PRRX1: variants seen among roughly 807,000 people sequenced by gnomAD.
The protein encoded by PRRX1 is paired related homeobox 1, also known as paired mesoderm homeobox protein 1.
PRRX1 carries 8 observed loss-of-function variants against 24.0 expected under a neutral mutation model. That is an observed-to-expected ratio of 0.33 (90% CI 0.20 to 0.60). PRRX1 has a LOEUF of 0.60. Among genes scored for constraint, PRRX1 ranks in the 20% least tolerant of loss-of-function variants. PRRX1 has a pLI of 0.82. For synonymous variants in PRRX1, 160 were observed against 131.7 expected (o/e 1.22, Z -1.47); for missense variants, 281 against 322.4 (o/e 0.87, Z 0.98).
intron 1 of PRRX1, among the ~76,000 whole-genome samples, chr1:170,717,091 C>T (rs1477153942): frequency 6.6e-6 from 1 of 152,210 alleles, no homozygotes; most frequent in African/African-American, 2.4e-5. Flanking sequence ...GCCAGACTCC[C>T]TGGATCCCTG....
At chr1:170,728,987 C>A (rs1323650959) in intron 3 of PRRX1, 2 of 152,206 alleles carry the variant, frequency 1.3e-5, no homozygotes, top group Non-Finnish European at 2.9e-5. Flanking sequence ...ATGTGACACT[C>A]ATTAAAAGGC....
At chr1:170,691,497 TTTC>T (rs1653949685) in intron 1 of PRRX1, among the ~76,000 whole-genome samples, 1 of 143,312 alleles carries the variant, frequency 7.0e-6, no homozygotes, top group Non-Finnish European at 1.5e-5. Flanking sequence ...TTTCCTTTCC[TTTC>T]CTTTCCTTTC....
At chr1:170,733,952 G>A (rs933321306) in intron 3 of PRRX1, among the ~76,000 whole-genome samples, 35 of 152,038 alleles carry the variant, frequency 2.3e-4, no homozygotes, top group African/African-American at 7.5e-4. Context: ...TTAGTGTATC[G>A]TTCTGGTCAT....
chr1:170,711,815 A>T (rs1654761690), intron 1 of PRRX1, among the ~76,000 whole-genome samples: 1 of 152,158 alleles, frequency 6.6e-6, no homozygotes, highest in Admixed American at 6.6e-5. Context: ...GGCACTTCCA[A>T]GGGGACCACA....
chr1:170,666,780 T>C (rs1652950132), intron 1 of PRRX1, among the ~76,000 whole-genome samples: 1 of 152,016 alleles, frequency 6.6e-6, no homozygotes, highest in Non-Finnish European at 1.5e-5. Context: ...GTTGTTTGGC[T>C]CTGAGTGGAC....
intron 1 of PRRX1, among the ~76,000 whole-genome samples, chr1:170,680,323 AG>A (rs1406083529): frequency 6.6e-6 from 1 of 152,228 alleles, no homozygotes; most frequent in Non-Finnish European, 1.5e-5. Flanking sequence ...GAAAACTTGA[AG>A]GAAGAAAACA....
intron 1 of PRRX1, among the ~76,000 whole-genome samples, chr1:170,678,413 T>C (rs1653392734): frequency 6.6e-6 from 1 of 152,242 alleles, no homozygotes; most frequent in South Asian, 2.1e-4. Context: ...CTTTGACAAG[T>C]TTATTGCAAG....
intron 1 of PRRX1, among the ~76,000 whole-genome samples, chr1:170,707,335 C>T (rs1654602726): frequency 6.6e-6 from 1 of 151,954 alleles, no homozygotes; most frequent in Non-Finnish European, 1.5e-5. Context: ...TGAAGGAGCC[C>T]AGCAGGGGTC....
intron 1 of PRRX1, among the ~76,000 whole-genome samples, chr1:170,690,240 T>A (rs1236810422): frequency 6.6e-6 from 1 of 152,072 alleles, no homozygotes; most frequent in Non-Finnish European, 1.5e-5. Context: ...GCTTATAGTT[T>A]AGCAGAGATA....
intron 3 of PRRX1, 65 bp from the exon 4 acceptor site, chr1:170,735,981 GCA>G: frequency 6.3e-7 from 1 of 1,597,776 alleles, no homozygotes; most frequent in Non-Finnish European, 8.6e-7. Context: ...TCCATCTGGG[GCA>G]CAGACTTGCA....
Position 170,703,876 on chromosome 1 carries a change from A to C in PRRX1, c.242-15850A>C, listed in dbSNP as rs541347252. ...GTAGTTGAGACCAAAATACATAGAAAACAAAGAAGACATCATGAAAATATA... is the reference window on the plus strand; with the variant it reads ...GTAGTTGAGACCAAAATACATAGAACACAAAGAAGACATCATGAAAATATA... On this transcript the variant is annotated intron_variant, in intron 1 of 3. Coordinates refer to ENST00000239461, the MANE Select transcript of PRRX1 (RefSeq NM_022716.4). Among the ~76,000 whole-genome samples the C allele has an allele frequency of 7.6e-4, 116 of 152,336 alleles. 2 individuals are homozygous for C. Among genetic ancestry groups the C allele is most frequent in the African/African-American group, 2.7e-3 (111 of 41,572 alleles).
chr1:170,732,551 G>C (rs995501860), intron 3 of PRRX1, among the ~76,000 whole-genome samples: 3 of 152,168 alleles, frequency 2.0e-5, no homozygotes, highest in Non-Finnish European at 2.9e-5. Flanking sequence ...GGCACCCTTA[G>C]CTCAAATTGA....
At chr1:170,722,284 C>T (rs1271932549) in intron 2 of PRRX1, among the ~76,000 whole-genome samples, 2 of 152,254 alleles carry the variant, frequency 1.3e-5, no homozygotes, top group Middle Eastern at 3.4e-3. Context: ...TGAGTTGTAT[C>T]TGGGCCAACT....
At chr1:170,672,921 G>T in intron 1 of PRRX1, among the ~76,000 whole-genome samples, 1 of 152,170 alleles carries the variant, frequency 6.6e-6, no homozygotes, top group East Asian at 1.9e-4. Context: ...TGCTTCAGCA[G>T]TTTGCCGAAA....
At chr1:170,721,832 CAT>C (rs1326977647) in intron 2 of PRRX1, among the ~76,000 whole-genome samples, 1 of 152,144 alleles carries the variant, frequency 6.6e-6, no homozygotes, top group Non-Finnish European at 1.5e-5. Flanking sequence ...TCAAAAACCC[CAT>C]GTCTTTTATG....
chr1:170,689,600 T>C (rs1653858409), intron 1 of PRRX1, among the ~76,000 whole-genome samples: 2 of 152,056 alleles, frequency 1.3e-5, no homozygotes, highest in African/African-American at 4.8e-5. Flanking sequence ...AAGAAGCACA[T>C]GTTTTTGTTT....
chr1:170,672,016 T>C (rs1653160060), intron 1 of PRRX1, among the ~76,000 whole-genome samples: 1 of 152,142 alleles, frequency 6.6e-6, no homozygotes, highest in African/African-American at 2.4e-5. Context: ...AGAGAAAACC[T>C]GGCACCATAG....
intron 1 of PRRX1, among the ~76,000 whole-genome samples, chr1:170,697,808 A>G (rs1654223839): frequency 6.8e-6 from 1 of 147,846 alleles, no homozygotes; most frequent in South Asian, 2.1e-4. Flanking sequence ...ATATATAAAT[A>G]TGTAGAAATA....
chr1:170,679,678 C>A (rs1488727389), intron 1 of PRRX1, among the ~76,000 whole-genome samples: 1 of 152,076 alleles, frequency 6.6e-6, no homozygotes, highest in Admixed American at 6.6e-5. Flanking sequence ...GGATTACAGG[C>A]ATTTTATTTT....
Sources: gnomAD v4.1 joint callset for allele counts (sites outside exome capture counted in the v4.1 genomes callset) on GRCh38, gnomAD v4.1.1 for gene constraint, MANE v1.5 for transcripts, NCBI Gene and HGNC (gene_info 2026-07-23, HGNC 2026-07-21) for gene names.